KCNK5: variants seen among roughly 807,000 people sequenced by gnomAD.
KCNK5 encodes the protein potassium two pore domain channel subfamily K member 5.
A neutral mutation model predicts 32.9 loss-of-function variants in KCNK5; 18 were observed. The observed-to-expected ratio is 0.55, with a 90% CI of 0.38 to 0.81. The LOEUF (loss-of-function observed/expected upper bound fraction) is 0.81, where lower values mean the gene tolerates loss of function less well. Among genes scored for constraint, KCNK5 ranks in the 30% least tolerant of loss-of-function variants. The pLI is 0.00. For missense variants in KCNK5, 507 were observed against 651.0 expected (o/e 0.78, Z 2.41); for synonymous variants, 276 against 275.3 (o/e 1.00, Z -0.03).
Position 39,195,898 on chromosome 6 carries a change from T to C in KCNK5, c.276A>G (p.Ala92=), listed in dbSNP as rs1296679918. ...NWNWPNAMIF[A]ATVITTIGYG... ...TACCAATGGTGGTAATGACGGTCGC[T>C]GCAAAAATCATTGCATTGGGCCAGT... The change falls in exon 2 of 5, where the codon GCA becomes GCG. Residue 92 remains alanine (A), a synonymous_variant. Transcript: ENST00000359534. 3.1e-6 allele frequency: 5 copies of C among 1,613,776 alleles called. No homozygotes were observed. The highest frequency in any genetic ancestry group is 3.4e-6 in the Non-Finnish European group (4 of 1,179,846).
At chr6:39,195,604 T>C (rs2113780101) in intron 2 of KCNK5, among the ~76,000 whole-genome samples, 1 of 152,362 alleles carries the variant, frequency 6.6e-6, no homozygotes, top group Admixed American at 6.5e-5. Context: ...GTTTCTGCAA[T>C]GAGCAGTCTG....
intron 1 of KCNK5, among the ~76,000 whole-genome samples, chr6:39,210,402 C>A (rs773909368): frequency 3.3e-5 from 5 of 152,170 alleles, no homozygotes; most frequent in Non-Finnish European, 7.4e-5. Flanking sequence ...GTCACCTTCA[C>A]TCCCCCTAGG....
At chr6:39,220,824 A>C (rs1015568250) in intron 1 of KCNK5, among the ~76,000 whole-genome samples, 4 of 152,168 alleles carry the variant, frequency 2.6e-5, no homozygotes, top group Non-Finnish European at 2.9e-5. Flanking sequence ...CACCTGTTAC[A>C]TGTGCCAAAC....
rs144931567 is a variant in KCNK5 at position 39,191,097 on chromosome 6, G to C, written c.1293C>G (p.Asp431Glu). 1.2e-6 allele frequency: 2 copies of C among 1,614,130 alleles called. No individual in the cohort carries two copies. Among genetic ancestry groups the C allele is most frequent in the Non-Finnish European group, 8.5e-7 (1 of 1,180,020 alleles). Residue 431 changes from aspartate (D) to glutamate (E), a missense_variant, in exon 5 of 5, where the codon GAC becomes GAG. Physicochemically the swap from Asp to Glu is conservative, Grantham distance 45. Transcript: ENST00000359534. This position sits in a 1 kb window ranked among gnomAD's most constrained non-coding sequence, Gnocchi z 5.8. ...CTAGCGAGGACTTGGAGGTCTCCTC[G>C]TCTGAGAGGCCAGCCTCCGTGTTCA... The part of the protein sequence containing the change: ...TFVNTEAGLS[D>E]EETSKSSLED...
intron 1 of KCNK5, among the ~76,000 whole-genome samples, chr6:39,220,152 C>A (rs1771512211): frequency 6.6e-6 from 1 of 152,168 alleles, no homozygotes; most frequent in African/African-American, 2.4e-5. Context: ...GGACTGGAGA[C>A]TACACCGTTG....
chr6:39,207,895 T>G (rs1040478832), intron 1 of KCNK5, among the ~76,000 whole-genome samples: 1 of 152,040 alleles, frequency 6.6e-6, no homozygotes, highest in Non-Finnish European at 1.5e-5. Flanking sequence ...GACTCCTACC[T>G]CCCTGGGAGG....
intron 1 of KCNK5, among the ~76,000 whole-genome samples, chr6:39,196,508 C>A (rs1040699749): frequency 6.6e-6 from 1 of 152,190 alleles, no homozygotes; most frequent in Non-Finnish European, 1.5e-5. Context: ...GAGACCAGGT[C>A]CTTGTTCAGG....
chr6:39,226,923 T>A (rs1442676616), intron 1 of KCNK5, among the ~76,000 whole-genome samples: 1 of 152,174 alleles, frequency 6.6e-6, no homozygotes, highest in Non-Finnish European at 1.5e-5. Context: ...CAGACTGGCT[T>A]GATGCCCAAG....
chr6:39,196,035 A>G (rs1282701382), intron 1 of KCNK5, 48 bp from the exon 2 acceptor site: 1 of 1,362,310 alleles, frequency 7.3e-7, no homozygotes, highest in South Asian at 1.3e-5. Flanking sequence ...CACTTAACAG[A>G]TGCTGATTGA....
intron 1 of KCNK5, among the ~76,000 whole-genome samples, chr6:39,218,840 G>C (rs12524171): frequency 0.061 from 9,347 of 152,292 alleles, 354 homozygotes; most frequent in Admixed American, 0.1. Flanking sequence ...CCCGCCAACT[G>C]CACTTCTCAG....
chr6:39,224,558 T>C (rs969460970), intron 1 of KCNK5, among the ~76,000 whole-genome samples: 1 of 152,112 alleles, frequency 6.6e-6, no homozygotes, highest in African/African-American at 2.4e-5. Context: ...TATAGACCAG[T>C]CCAAAGGGTC....
At chr6:39,196,520 T>C (rs1003068864) in intron 1 of KCNK5, among the ~76,000 whole-genome samples, 1 of 152,158 alleles carries the variant, frequency 6.6e-6, no homozygotes, top group Non-Finnish European at 1.5e-5. Flanking sequence ...TTGTTCAGGG[T>C]TGGCTGGGGA....
At position 39,191,056 on chromosome 6, in the gene KCNK5, C is replaced by T. The variant is rs1220250733; in HGVS notation, c.1334G>A (p.Gly445Glu). 5.0e-6 allele frequency: 8 copies of T among 1,612,718 alleles called. No individual in the cohort carries two copies. The highest frequency in any genetic ancestry group is 1.7e-4 in the Middle Eastern group (1 of 6,058). The change falls in exon 5 of 5, where the codon GGG becomes GAG. Residue 445 changes from glycine to glutamate, a missense_variant. Physicochemically the swap from Gly to Glu is moderately conservative, Grantham distance 98. Around this residue, in one of 6 missense-constraint regions of KCNK5, gnomAD observed 252 missense variants for 250.8 expected, o/e 1.00. Coordinates refer to ENST00000359534, the MANE Select transcript of KCNK5 (RefSeq NM_003740.4). This position sits in a 1 kb window ranked among gnomAD's most constrained non-coding sequence, Gnocchi z 5.8. ...AGCCCCCTGCTGGGGGCTCTCCTCC[C>T]CTGCCAAGTTGTCCTCTAGCGAGGA... The part of the protein sequence containing the change: ...SKSSLEDNLA[G>E]EESPQQGAEA...
At position 39,191,109 on chromosome 6, in the gene KCNK5, A is replaced by G; in HGVS notation, c.1281T>C (p.Ala427=). ...TGGAGGTCTCCTCGTCTGAGAGGCCAGCCTCCGTGTTCACGAAGGTGATGC... is the reference window on the plus strand; with the variant it reads ...TGGAGGTCTCCTCGTCTGAGAGGCCGGCCTCCGTGTTCACGAAGGTGATGC... ...DASITFVNTE[A]GLSDEETSKS... is the part of the protein sequence containing the mutation. The change falls in exon 5 of 5, where the codon GCT becomes GCC. Residue 427 remains alanine, a synonymous_variant. Coordinates refer to ENST00000359534, the MANE Select transcript of KCNK5 (RefSeq NM_003740.4). The surrounding 1 kb of genome is among the most constrained non-coding windows in gnomAD (Gnocchi z 5.8). The G allele has an allele frequency of 1.2e-6, 2 of 1,614,216 alleles. No individual in the cohort carries two copies. Among genetic ancestry groups the G allele is most frequent in the Non-Finnish European group, 1.7e-6 (2 of 1,180,036 alleles).
At chr6:39,217,118 C>CAAAAAAAAAAAAAAAAAAAAAAAAAA (rs57204833) in intron 1 of KCNK5, among the ~76,000 whole-genome samples, 3 of 74,444 alleles carry the variant, frequency 4.0e-5, no homozygotes, top group Admixed American at 1.7e-4. Flanking sequence ...AAAACTCCAT[C>CAAAAAAAAAAAAAAAAAAAAAAAAAA]AAAAAAAAAA....
At chr6:39,202,107 G>A (rs551196241) in intron 1 of KCNK5, among the ~76,000 whole-genome samples, 1 of 152,180 alleles carries the variant, frequency 6.6e-6, no homozygotes, top group African/African-American at 2.4e-5. Context: ...TTTCACTGAT[G>A]TATTCCCCAA....
chr6:39,208,830 C>A (rs1010525817), intron 1 of KCNK5, among the ~76,000 whole-genome samples: 3 of 152,222 alleles, frequency 2.0e-5, no homozygotes, highest in Non-Finnish European at 2.9e-5. Context: ...TGGCTCATGC[C>A]TATAATCCCA....
At chr6:39,222,330 C>T (rs1771568381) in intron 1 of KCNK5, among the ~76,000 whole-genome samples, 1 of 152,200 alleles carries the variant, frequency 6.6e-6, no homozygotes, top group Admixed American at 6.5e-5. Context: ...CACACTACAT[C>T]ACATCAGCAG....
intron 1 of KCNK5, among the ~76,000 whole-genome samples, chr6:39,213,554 C>T (rs1377485681): frequency 2.6e-5 from 4 of 152,200 alleles, no homozygotes; most frequent in Non-Finnish European, 5.9e-5. Flanking sequence ...CTAAGGGTCT[C>T]CCATGCCACA....
Sources: gnomAD v4.1 joint callset for allele counts (sites outside exome capture counted in the v4.1 genomes callset) on GRCh38, gnomAD v4.1.1 for gene constraint, gnomAD v4.1.1 regional missense constraint, Gnocchi (gnomAD v3.1) non-coding constraint, MANE v1.5 for transcripts, NCBI Gene and HGNC (gene_info 2026-07-23, HGNC 2026-07-21) for gene names.